The following SLC26A9 variants were observed in gnomAD, a reference collection of about 807,000 sequenced individuals.
SLC26A9 encodes the protein anion transporter/exchanger protein 9.
SLC26A9 carries 46 observed loss-of-function variants against 87.1 expected under a neutral mutation model. The ratio of observed to expected loss-of-function variants is 0.53; its 90% CI spans 0.42 to 0.67. The LOEUF is 0.67. SLC26A9 is among the 30% of genes least tolerant of loss of function. The pLI, the probability that SLC26A9 is intolerant of heterozygous loss-of-function variation, is 0.00. For synonymous variants in SLC26A9, 437 were observed against 409.1 expected, an observed-to-expected ratio of 1.07 and a Z score of -0.82; for missense variants, 927 against 1,018.3, an observed-to-expected ratio of 0.91 and a Z score of 1.22.
At chr1:205,927,125 T>C in intron 11 of SLC26A9, 86 bp downstream of exon 11, 2 of 1,393,448 alleles carry the variant, frequency 1.4e-6, no homozygotes, top group Non-Finnish European at 2.0e-6. Context: ...AGTGGCACTT[T>C]GTGGTCCGTA....
At chr1:205,943,322 T>C in intron 1 of SLC26A9, 43 bp downstream of exon 1, 1 of 152,282 alleles carries the variant, frequency 6.6e-6, no homozygotes, top group Non-Finnish European at 1.5e-5. Context: ...CTTGCAGGGA[T>C]GACCCCAGCC....
chr1:205,920,128 C>G, intron 18 of SLC26A9, 48 bp downstream of exon 18: 1 of 1,610,508 alleles, frequency 6.2e-7, no homozygotes, highest in South Asian at 1.1e-5. Flanking sequence ...GTTCCTACCC[C>G]ACACTCCTTG....
intron 5 of SLC26A9, among the ~76,000 whole-genome samples, chr1:205,931,387 G>A (rs1301724449): frequency 1.3e-5 from 2 of 151,400 alleles, no homozygotes; most frequent in Non-Finnish European, 2.9e-5. Flanking sequence ...GCTACATGCA[G>A]ATGAGGAGAT....
Position 205,914,798 on chromosome 1 carries a change from G to T in SLC26A9, c.*559C>A. The T allele has an allele frequency of 6.8e-7, 1 of 1,476,274 alleles. No individual in the cohort carries two copies. The highest frequency in any genetic ancestry group is 9.2e-7 in the Non-Finnish European group (1 of 1,087,968). The allele number at this position is 1,476,274 out of a possible 1,614,324, so 91.4% of individuals were successfully genotyped here. A position where few individuals can be genotyped will look rare whatever the true frequency, so the allele number is the denominator to read the frequency against. ...TAGTTACCAAGGCCTAGACTCCTGG[G>T]TGTGGAGAGCACATGGTCCCTGGGT... is the stretch of plus-strand genomic sequence containing the variant. On this transcript the variant is annotated 3_prime_UTR_variant, in exon 21 of 21. Transcript: ENST00000367135.
chr1:205,927,941 G>A lies in SLC26A9; in HGVS notation c.1062C>T (p.Thr354=). The A allele has an allele frequency of 1.2e-6, 2 of 1,614,156 alleles. No individual in the cohort carries two copies. Among genetic ancestry groups the A allele is most frequent in the East Asian group, 2.2e-5 (1 of 44,880 alleles). Residue 354 remains threonine (T), a synonymous_variant, in exon 9 of 21, where the codon ACC becomes ACT. Transcript: ENST00000367135. ...CGTCGTAGCCGTGCTTGTTGGCCAG[G>A]GTCCGGCCCATAGCCAGGTTGATGA... ...SYVINLAMGR[T]LANKHGYDVD... is the part of the protein sequence containing the mutation.
In SLC26A9 at chr1:205,915,365, C is replaced by T. The variant is rs769077038; in HGVS notation, c.2368G>A (p.Ala790Thr). 64 of 1,614,014 alleles carry T rather than the reference C, an allele frequency of 4.0e-5. No individual in the cohort carries two copies. In the Middle Eastern group the frequency reaches 1.3e-3, roughly 33 times the overall value. Residue 790 changes from alanine (A) to threonine (T), a missense_variant, in exon 21 of 21, where the codon GCC becomes ACC. Transcript: ENST00000367135. Reference sequence around the variant, plus strand: ...GAGGACTGGCTGAGCCCTCACAGGGCGGTCAGGGTCTCTGCGTGAAACATG... The same window carrying T: ...GAGGACTGGCTGAGCCCTCACAGGGTGGTCAGGGTCTCTGCGTGAAACATG... ...GSMFHAETLT[A>T]L
intron 18 of SLC26A9, among the ~76,000 whole-genome samples, chr1:205,919,839 C>T (rs1364817628): frequency 6.6e-6 from 1 of 152,142 alleles, no homozygotes; most frequent in Non-Finnish European, 1.5e-5. Flanking sequence ...TCAACCCTCT[C>T]GTTTTACATA....
chr1:205,926,707 G>C, intron 11 of SLC26A9, 77 bp from the exon 12 acceptor site: 1 of 1,170,876 alleles, frequency 8.5e-7, no homozygotes, highest in Non-Finnish European at 1.3e-6. Context: ...CCGACCCCAA[G>C]GCCTGGCAGG....
chr1:205,915,500 C>T (rs1658552472), intron 20 of SLC26A9, 96 bp from the exon 21 acceptor site: 1 of 1,525,830 alleles, frequency 6.6e-7, no homozygotes, highest in South Asian at 1.2e-5. Flanking sequence ...CTAGGAACCC[C>T]TGGCCAGAAC....
In SLC26A9 at chr1:205,926,110, GT is replaced by G. The variant is rs201244473; in HGVS notation, c.1389+424del. Among the ~76,000 whole-genome samples, 9 of 151,718 alleles carry G rather than the reference GT, an allele frequency of 5.9e-5. No individual in the cohort carries two copies. The South Asian group carries it at 6.3e-4, about 11-fold the overall frequency. On this transcript the variant is annotated intron_variant, in intron 12 of 20. Coordinates refer to ENST00000367135, the MANE Select transcript of SLC26A9 (RefSeq NM_052934.4). ...TTGGTCCTCTGGCTTTATGTTCTAGGTTTTTTTTTAAAATACAAACTATTTC... is the reference window on the plus strand; with the variant it reads ...TTGGTCCTCTGGCTTTATGTTCTAGGTTTTTTTTAAAATACAAACTATTTC...
chr1:205,915,535 T>A, intron 20 of SLC26A9, 131 bp from the exon 21 acceptor site: 1 of 1,200,088 alleles, frequency 8.3e-7, no homozygotes, highest in Non-Finnish European at 1.2e-6. Flanking sequence ...TGTGTGTGTG[T>A]GTGTGTGTGT....
At chr1:205,938,144 T>C (rs1344263234) in intron 1 of SLC26A9, among the ~76,000 whole-genome samples, 2 of 151,566 alleles carry the variant, frequency 1.3e-5, no homozygotes, top group African/African-American at 4.9e-5. Context: ...TCCTCAGTGG[T>C]ACCTTTCTTC....
intron 10 of SLC26A9, 90 bp from the exon 11 acceptor site, chr1:205,927,378 C>T (rs1258073109): frequency 3.8e-5 from 59 of 1,563,842 alleles, no homozygotes; most frequent in Non-Finnish European, 5.0e-5. Context: ...GGAGTGGAGA[C>T]TAAGACGGGA....
rs770334457 is a variant in SLC26A9 at position 205,923,522 on chromosome 1, G to A, written c.1566+22C>T. 9 of 1,614,026 alleles carry A rather than the reference G, an allele frequency of 5.6e-6. No individual in the cohort carries two copies. In the South Asian group the frequency reaches 9.9e-5, roughly 18 times the overall value. ...GGGTGGTGCAGAGCAAAAGAAGGAG[G>A]TCATAAGCTTGAATTACCTACCCTA... On this transcript the variant is annotated intron_variant, in intron 14 of 20. Coordinates refer to ENST00000367135, the MANE Select transcript of SLC26A9 (RefSeq NM_052934.4).
chr1:205,916,811 G>A (rs1658610845), intron 20 of SLC26A9, among the ~76,000 whole-genome samples: 1 of 152,138 alleles, frequency 6.6e-6, no homozygotes, highest in African/African-American at 2.4e-5. Context: ...TGAGAAGAAT[G>A]AAAACAAAGG....
In SLC26A9 at chr1:205,916,710, G is replaced by A. The variant is rs552210134; in HGVS notation, c.2328+573C>T. ...GTGTATGTGGCTTGCTCAGGGTCAC[G>A]TGGGTGATGTGTTGGAGAATAAGAA... On this transcript the variant is annotated intron_variant, in intron 20 of 20. Coordinates refer to ENST00000367135, the MANE Select transcript of SLC26A9 (RefSeq NM_052934.4). Among the ~76,000 whole-genome samples, 28 of 152,306 alleles carry A rather than the reference G, an allele frequency of 1.8e-4. No individual in the cohort carries two copies. In the East Asian group the frequency reaches 5.0e-3, roughly 27 times the overall value.
At position 205,928,961 on chromosome 1, in the gene SLC26A9, C is replaced by G. The variant is rs61639400; in HGVS notation, c.871-52G>C. ...GATTGGCCCTAAGGTGGGGCCAGGG[C>G]AGGCGTCTCTCTCAAGTCTCCCTTT... is the stretch of plus-strand genomic sequence containing the variant. On this transcript the variant is annotated intron_variant, in intron 7 of 20. Coordinates refer to ENST00000367135, the MANE Select transcript of SLC26A9 (RefSeq NM_052934.4). 1.7e-3 allele frequency: 2,690 copies of G among 1,600,558 alleles called. 14 individuals carry two copies. The highest frequency in any genetic ancestry group is 0.015 in the Middle Eastern group (87 of 5,770).
At chr1:205,915,718 G>C (rs1658566344) in intron 20 of SLC26A9, among the ~76,000 whole-genome samples, 1 of 152,264 alleles carries the variant, frequency 6.6e-6, no homozygotes, top group African/African-American at 2.4e-5. Context: ...TGGGTAAAAT[G>C]AGGGTTGGCA....
Position 205,935,706 on chromosome 1 carries a change from T to C in SLC26A9, c.115A>G (p.Asn39Asp), listed in dbSNP as rs749600085. Residue 39 changes from asparagine (N) to aspartate (D), a missense_variant, in exon 2 of 21, where the codon AAT (asparagine) becomes GAT (aspartate). Coordinates refer to ENST00000367135, the MANE Select transcript of SLC26A9 (RefSeq NM_052934.4). ...RTYPVGEKLR[N>D]AFRCSSAKIK... ...CTCTGGACCAGTTACCTGAAGGCAT[T>C]GCGAAGTTTCTCTCCCACTGGGTAT... is the stretch of plus-strand genomic sequence containing the variant. 7 of 1,613,860 alleles carry C rather than the reference T, an allele frequency of 4.3e-6. No homozygotes were observed. In the African/African-American group the frequency reaches 6.7e-5, roughly 15 times the overall value.
Sources: gnomAD v4.1 joint callset for allele counts (sites outside exome capture counted in the v4.1 genomes callset) on GRCh38, gnomAD v4.1.1 for gene constraint, MANE v1.5 for transcripts, NCBI Gene and HGNC (gene_info 2026-07-23, HGNC 2026-07-21) for gene names.